CATSPERG: variants seen among roughly 807,000 people sequenced by gnomAD.
CATSPERG encodes the protein cation channel sperm-associated auxiliary subunit gamma.
A neutral mutation model predicts 145.0 loss-of-function variants in CATSPERG; 115 were observed. That is an observed-to-expected ratio of 0.79 (90% CI 0.68 to 0.93). The LOEUF (loss-of-function observed/expected upper bound fraction) is 0.93. Ranked by LOEUF, CATSPERG falls within the 40% of genes least tolerant of loss-of-function variation. The pLI, the probability that CATSPERG is intolerant of heterozygous loss-of-function variation, is 0.00. For missense variants in CATSPERG, 1,296 were observed against 1,490.1 expected, an observed-to-expected ratio of 0.87 and a Z score of 2.14; for synonymous variants, 588 against 589.0, an observed-to-expected ratio of 1.00 and a Z score of 0.02.
chr19:38,336,466 G>A (rs976862938), intron 1 of CATSPERG: 10 of 318,156 alleles, frequency 3.1e-5, no homozygotes, highest in African/African-American at 1.8e-4. Flanking sequence ...AGCGGAAGCA[G>A]AGTGAGGAGC....
rs1207487081 is a variant in CATSPERG, at chr19:38,344,244, G to A, written c.597-52G>A. 4 of 1,542,098 alleles carry A rather than the reference G, an allele frequency of 2.6e-6. No homozygotes were observed. The Admixed American group carries it at 5.9e-5, about 23-fold the overall frequency. The stretch of plus-strand genomic sequence containing the variant: ...GAGAGGAGAGGCAGCTACGAGCTGT[G>A]GAACCCCTGACACTGGGACCTCACC... On this transcript the variant is annotated intron_variant, in intron 5 of 28. Transcript: ENST00000409235.
At position 38,367,213 on chromosome 19, in the gene CATSPERG, G is replaced by C. The variant is rs374763660; in HGVS notation, c.2671G>C (p.Asp891His). 1.9e-6 allele frequency: 3 copies of C among 1,613,782 alleles called. No individual in the cohort carries two copies. The highest frequency in any genetic ancestry group is 1.3e-5 in the African/African-American group (1 of 74,932). Residue 891 changes from aspartate to histidine, a missense_variant, in exon 23 of 29, where the codon GAC becomes CAC. Coordinates refer to ENST00000409235, the MANE Select transcript of CATSPERG (RefSeq NM_021185.5). ...GCPPGKRLAFDITYTLEYSRL... is the reference protein window; with the variant it reads ...GCPPGKRLAFHITYTLEYSRL... Reference sequence around the variant, plus strand: ...CCCCCCAGGCAAGCGCCTGGCCTTCGACATCACCTACACGCTGGAATACAG... The same window carrying C: ...CCCCCCAGGCAAGCGCCTGGCCTTCCACATCACCTACACGCTGGAATACAG...
At chr19:38,343,848 C>T in intron 4 of CATSPERG, 124 bp downstream of exon 4, 1 of 1,400,618 alleles carries the variant, frequency 7.1e-7, no homozygotes, top group Non-Finnish European at 9.6e-7. Context: ...ATTCCATGGC[C>T]TAGAGGGGCC....
chr19:38,355,250 C>T (rs1196450383), intron 9 of CATSPERG, among the ~76,000 whole-genome samples: 1 of 152,010 alleles, frequency 6.6e-6, no homozygotes, highest in Admixed American at 6.6e-5. Context: ...GAGGCTGAGG[C>T]AGGAGAGTCA....
intron 1 of CATSPERG, chr19:38,336,130 A>G (rs1399641963): frequency 4.4e-6 from 2 of 453,806 alleles, no homozygotes; most frequent in Non-Finnish European, 8.9e-6. Flanking sequence ...TAGAGCAGGC[A>G]GGTGTTAATG....
Position 38,337,375 on chromosome 19 carries a change from G to C in CATSPERG, c.141G>C (p.Gln47His). 1.9e-6 allele frequency: 3 copies of C among 1,551,802 alleles called. No homozygotes were observed. The highest frequency in any genetic ancestry group is 2.6e-6 in the Non-Finnish European group (3 of 1,147,030). Residue 47 changes from glutamine to histidine, a missense_variant, in exon 2 of 29, where the codon CAG becomes CAC. Transcript: ENST00000409235. ...AIKDFQECTW[Q>H]VVLNEFKRVG... ...AGGATTTCCAGGAATGCACCTGGCAGGTTGTCCTGAACGAGTTTAAGAGGG... is the reference window on the plus strand; with the variant it reads ...AGGATTTCCAGGAATGCACCTGGCACGTTGTCCTGAACGAGTTTAAGAGGG...
Position 38,361,816 on chromosome 19 carries a change from G to C in CATSPERG, c.2049G>C (p.Gln683His), listed in dbSNP as rs372709656. The change falls in exon 17 of 29, where the codon CAG becomes CAC. Residue 683 changes from glutamine to histidine, a missense_variant. Gln to His is a conservative substitution (Grantham distance 24). Transcript: ENST00000409235. ...FHNENSLAIY[Q>H]GLVYYLLWLH... is the part of the protein sequence containing the mutation. Reference sequence around the variant, plus strand: ...ACGAGAACTCGCTCGCCATCTACCAGGGCCTGGTCTACTACCTGCTGTGGC... The same window carrying C: ...ACGAGAACTCGCTCGCCATCTACCACGGCCTGGTCTACTACCTGCTGTGGC... The C allele has an allele frequency of 2.5e-6, 4 of 1,612,678 alleles. No individual in the cohort carries two copies. In the African/African-American group the frequency reaches 5.3e-5, roughly 22 times the overall value.
chr19:38,345,616 T>A (rs1970028829), intron 6 of CATSPERG, among the ~76,000 whole-genome samples: 4 of 151,800 alleles, frequency 2.6e-5, no homozygotes, highest in African/African-American at 9.7e-5. Flanking sequence ...GCAATTCTCC[T>A]ACCTCAGCCT....
chr19:38,347,505 T>C (rs1482422042), intron 7 of CATSPERG, among the ~76,000 whole-genome samples: 2 of 152,244 alleles, frequency 1.3e-5, no homozygotes, highest in African/African-American at 4.8e-5. Context: ...CTATTAGGCA[T>C]TGAGAGCCTA....
intron 13 of CATSPERG, 82 bp downstream of exon 13, chr19:38,358,643 G>T (rs1970289906): frequency 6.4e-7 from 1 of 1,554,626 alleles, no homozygotes. Flanking sequence ...TCAAGCCCAG[G>T]CTAGGCAAGT....
intron 14 of CATSPERG, chr19:38,360,133 C>A (rs1970318461): frequency 1.5e-5 from 15 of 985,204 alleles, no homozygotes; most frequent in Non-Finnish European, 1.8e-5. Context: ...AATGGTGAGA[C>A]CCTGGAAGCT....
chr19:38,361,040 AAGG>A (rs774771545), intron 16 of CATSPERG, among the ~76,000 whole-genome samples, 197 bp downstream of exon 16: 3 of 152,282 alleles, frequency 2.0e-5, no homozygotes, highest in Middle Eastern at 3.4e-3. Context: ...GGAGGGCTTC[AAGG>A]AGGAGGAGGT....
intron 7 of CATSPERG, chr19:38,349,651 T>TG (rs1970102388): frequency 6.9e-6 from 1 of 144,418 alleles, no homozygotes; most frequent in Admixed American, 6.9e-5. Flanking sequence ...TGTTTTTTTT[T>TG]GTTTGTTTGT....
intron 16 of CATSPERG, among the ~76,000 whole-genome samples, chr19:38,361,300 C>G (rs982682332): frequency 6.6e-6 from 1 of 152,102 alleles, no homozygotes; most frequent in African/African-American, 2.4e-5. Context: ...GGTCATCGTC[C>G]TGCGGAGGGT....
chr19:38,369,679 A>G, intron 26 of CATSPERG: 3 of 451,758 alleles, frequency 6.6e-6, no homozygotes, highest in Non-Finnish European at 4.1e-6. Flanking sequence ...CAAAGAATGA[A>G]TAAGGATTTG....
intron 9 of CATSPERG, 78 bp downstream of exon 9, chr19:38,354,925 C>G (rs1415716577): frequency 6.6e-7 from 1 of 1,521,728 alleles, no homozygotes. Context: ...ACCTTGGGCC[C>G]TCACTCATTA....
rs1407248096 is a variant in CATSPERG at position 38,344,066 on chromosome 19, C to T, written c.543C>T (p.Val181=). 2 of 1,551,460 alleles carry T rather than the reference C, an allele frequency of 1.3e-6. No homozygotes were observed. The highest frequency in any genetic ancestry group is 2.7e-5 in the African/African-American group (2 of 73,018). The change falls in exon 5 of 29, where the codon GTC becomes GTT. Residue 181 remains valine, a synonymous_variant. Coordinates refer to ENST00000409235, the MANE Select transcript of CATSPERG (RefSeq NM_021185.5). ...TPMPIKKGSV[V]MRVDISSNGL... ...TGCCCATCAAGAAAGGCAGTGTGGT[C>T]ATGCGTGTGGACATCAGCAGCAATG...
At chr19:38,336,495 G>A (rs1023413853) in intron 1 of CATSPERG, 4 of 302,824 alleles carry the variant, frequency 1.3e-5, no homozygotes, top group South Asian at 2.7e-5. Context: ...GGCGAGAAAC[G>A]GGGGCCCGGC....
chr19:38,350,391 T>G (rs1042683713), intron 7 of CATSPERG, among the ~76,000 whole-genome samples: 2 of 152,096 alleles, frequency 1.3e-5, no homozygotes, highest in African/African-American at 4.8e-5. Context: ...TTTGCTTGCT[T>G]TTTGAGACGG....
Sources: gnomAD v4.1 joint callset for allele counts (sites outside exome capture counted in the v4.1 genomes callset) on GRCh38, gnomAD v4.1.1 for gene constraint, MANE v1.5 for transcripts, NCBI Gene and HGNC (gene_info 2026-07-23, HGNC 2026-07-21) for gene names.